The following SIPA1L1 variants were observed in gnomAD, a reference collection of about 807,000 sequenced individuals.
The protein encoded by SIPA1L1 is signal-induced proliferation-associated 1-like protein 1.
A neutral mutation model predicts 162.7 loss-of-function variants in SIPA1L1; 26 were observed. The ratio of observed to expected loss-of-function variants is 0.16; its 90% confidence interval spans 0.12 to 0.22. SIPA1L1 has a LOEUF of 0.22. Among genes scored for constraint, SIPA1L1 ranks in the 10% least tolerant of loss-of-function variants. SIPA1L1 has a pLI of 1.00. For missense variants in SIPA1L1, 1,874 were observed against 2,241.0 expected (o/e 0.84, Z 3.31); for synonymous variants, 829 against 837.4 (o/e 0.99, Z 0.17).
rs879104992 is a variant in SIPA1L1 at position 71,588,888 on chromosome 14, T to C, written c.1016T>C (p.Ile339Thr). 21 of 1,614,012 alleles carry C rather than the reference T, an allele frequency of 1.3e-5. No individual in the cohort carries two copies. Among genetic ancestry groups the C allele is most frequent in the Non-Finnish European group, 1.7e-5 (20 of 1,180,012 alleles). The stretch of plus-strand genomic sequence containing the variant: ...TTTGCCCACTATGATGTCCAGAGTA[T>C]ATTATTTGATTTGAATGAGGCAATT... ...KCFAHYDVQS[I>T]LFDLNEAIMN... Residue 339 changes from isoleucine (I) to threonine (T), a missense_variant, in exon 5 of 24, where the codon ATA (isoleucine) becomes ACA (threonine). By Grantham distance (89) the Ile-to-Thr change is moderately conservative. Transcript: ENST00000381232. This position sits in a 1 kb window ranked among gnomAD's most constrained non-coding sequence, Gnocchi z 4.3.
intron 4 of SIPA1L1, among the ~76,000 whole-genome samples, chr14:71,549,833 G>A (rs919096608): frequency 6.6e-6 from 1 of 152,066 alleles, no homozygotes; most frequent in Non-Finnish European, 1.5e-5. Context: ...TTTTTTAATT[G>A]CGGAAGTTGA....
chr14:71,630,731 T>G (rs1013365621), intron 7 of SIPA1L1, among the ~76,000 whole-genome samples: 1 of 152,166 alleles, frequency 6.6e-6, no homozygotes, highest in African/African-American at 2.4e-5. Context: ...TTTTCTCCCC[T>G]GCCTTGTAGT....
chr14:71,640,494 AAGTT>A (rs1202312041), intron 7 of SIPA1L1, among the ~76,000 whole-genome samples: 2 of 152,342 alleles, frequency 1.3e-5, no homozygotes, highest in Non-Finnish European at 2.9e-5. Context: ...AGCAGATAAA[AAGTT>A]AGGAGACAGA....
Position 71,735,369 on chromosome 14 carries a change from G to A in SIPA1L1, c.5101G>A (p.Ala1701Thr), listed in dbSNP as rs1032164656. 6 of 1,613,792 alleles carry A rather than the reference G, an allele frequency of 3.7e-6. No homozygotes were observed. The highest frequency in any genetic ancestry group is 5.1e-6 in the Non-Finnish European group (6 of 1,179,800). ...TGATCAGCTGGAGGACCAGGCTCTG[G>A]CCCAGATGAAGCCTTACAGCAGGTT... is the stretch of plus-strand genomic sequence containing the variant. Reference protein sequence around the residue: ...NSDQLEDQALAQMKPYSSSKD... With the variant: ...NSDQLEDQALTQMKPYSSSKD... Residue 1701 changes from alanine to threonine, a missense_variant, in exon 22 of 24, where the codon GCC (alanine) becomes ACC (threonine). Around this residue, in one of 5 missense-constraint regions of SIPA1L1, gnomAD observed 936 missense variants for 1,051.9 expected, o/e 0.89. Coordinates refer to ENST00000381232, the MANE Select transcript of SIPA1L1 (RefSeq NM_001386936.1).
intron 2 of SIPA1L1, among the ~76,000 whole-genome samples, chr14:71,390,677 C>T (rs1007154145): frequency 3.9e-5 from 6 of 152,048 alleles, no homozygotes; most frequent in East Asian, 1.9e-4. Context: ...TCCAGCTACT[C>T]GGGAGGCAGG....
chr14:71,527,355 G>T (rs2052986944), intron 3 of SIPA1L1, among the ~76,000 whole-genome samples: 1 of 151,850 alleles, frequency 6.6e-6, no homozygotes, highest in Non-Finnish European at 1.5e-5. Context: ...AACCAAGGAA[G>T]ATGTTGAATT....
intron 6 of SIPA1L1, 42 bp from the exon 7 acceptor site, chr14:71,624,006 C>G: frequency 6.6e-7 from 1 of 1,524,786 alleles, no homozygotes. Flanking sequence ...TCAGGCATCT[C>G]ACATCCCAGA....
intron 4 of SIPA1L1, among the ~76,000 whole-genome samples, chr14:71,565,005 C>T (rs774067228): frequency 3.9e-5 from 6 of 152,110 alleles, no homozygotes; most frequent in Admixed American, 2.0e-4. Context: ...TGGTTTCACA[C>T]GATCAGATTG....
intron 2 of SIPA1L1, chr14:71,330,460 A>G (rs1233481979): frequency 1.2e-6 from 2 of 1,602,718 alleles, no homozygotes; most frequent in Admixed American, 1.7e-5. Flanking sequence ...TTGGAAATCC[A>G]CATCATTCAC....
intron 14 of SIPA1L1, 105 bp from the exon 15 acceptor site, chr14:71,702,276 C>G: frequency 1.6e-6 from 2 of 1,242,976 alleles, no homozygotes; most frequent in Non-Finnish European, 2.3e-6. Context: ...TAAGCAAAAA[C>G]CAGTAGTGCC....
intron 2 of SIPA1L1, among the ~76,000 whole-genome samples, chr14:71,388,038 A>G (rs976404522): frequency 6.6e-6 from 1 of 152,258 alleles, no homozygotes; most frequent in African/African-American, 2.4e-5. Context: ...GTTAACTGAG[A>G]TATCAGTGCA....
At chr14:71,332,715 G>A (rs946024246) in intron 2 of SIPA1L1, among the ~76,000 whole-genome samples, 1 of 152,134 alleles carries the variant, frequency 6.6e-6, no homozygotes, top group African/African-American at 2.4e-5. Context: ...GCTTTGAAGA[G>A]TCATATAACC....
intron 16 of SIPA1L1, among the ~76,000 whole-genome samples, chr14:71,706,813 C>T (rs1035788615): frequency 2.6e-5 from 4 of 151,966 alleles, no homozygotes; most frequent in Non-Finnish European, 4.4e-5. Flanking sequence ...GCAGGTGGAT[C>T]GCTTGAGGTC....
At chr14:71,547,645 A>G (rs12897727) in intron 4 of SIPA1L1, among the ~76,000 whole-genome samples, 1,874 of 152,216 alleles carry the variant, frequency 0.012, 26 homozygotes, top group Non-Finnish European at 0.019. Flanking sequence ...TTTTGTTCAA[A>G]TAATAATTAT....
At position 71,661,293 on chromosome 14, in the gene SIPA1L1, C is replaced by T. The variant is rs1213075670; in HGVS notation, c.2098-17C>T. On this transcript the variant is annotated splice_polypyrimidine_tract_variant and intron_variant, in intron 9 of 23. Transcript: ENST00000381232. ...AAATGATTGTTATTTATGTTGGTTG[C>T]TTATTTTTTCTTGTAGCTCCTGAGG... 6 of 1,609,660 alleles carry T rather than the reference C, an allele frequency of 3.7e-6. No homozygotes were observed. Among genetic ancestry groups the T allele is most frequent in the Non-Finnish European group, 5.1e-6 (6 of 1,177,456 alleles).
At chr14:71,733,364 G>A (rs1267945407) in intron 20 of SIPA1L1, among the ~76,000 whole-genome samples, 1 of 152,172 alleles carries the variant, frequency 6.6e-6, no homozygotes, top group Non-Finnish European at 1.5e-5. Flanking sequence ...TGCTGCCTAG[G>A]CCCTGCTGTG....
At chr14:71,670,502 C>G (rs2044411899) in intron 10 of SIPA1L1, among the ~76,000 whole-genome samples, 1 of 152,202 alleles carries the variant, frequency 6.6e-6, no homozygotes, top group Admixed American at 6.5e-5. Context: ...CATAAAGATT[C>G]TCATACTATT....
At chr14:71,517,718 CTAG>C (rs1288120027) in intron 3 of SIPA1L1, among the ~76,000 whole-genome samples, 2 of 152,074 alleles carry the variant, frequency 1.3e-5, no homozygotes, top group African/African-American at 4.8e-5. Flanking sequence ...TTTAGTCAAG[CTAG>C]TAGTGTGAAA....
chr14:71,400,591 A>G (rs907998073), intron 2 of SIPA1L1, among the ~76,000 whole-genome samples: 3 of 151,854 alleles, frequency 2.0e-5, no homozygotes, highest in African/African-American at 7.3e-5. Context: ...ATTCAAATAT[A>G]CTAGGAGGAA....
Sources: gnomAD v4.1 joint callset for allele counts (sites outside exome capture counted in the v4.1 genomes callset) on GRCh38, gnomAD v4.1.1 for gene constraint, gnomAD v4.1.1 regional missense constraint, Gnocchi (gnomAD v3.1) non-coding constraint, MANE v1.5 for transcripts, NCBI Gene and HGNC (gene_info 2026-07-23, HGNC 2026-07-21) for gene names.